MMP26: variants seen among roughly 807,000 people sequenced by gnomAD.
MMP26 encodes the protein matrix metalloproteinase-26.
A neutral mutation model predicts 31.0 loss-of-function variants in MMP26; 33 were observed. The ratio of observed to expected loss-of-function variants is 1.06; its 90% CI spans 0.81 to 1.42. MMP26 has a LOEUF of 1.42. MMP26 is among the 40% of genes most tolerant of loss of function. The pLI, the probability that MMP26 is intolerant of heterozygous loss-of-function variation, is 0.00. For missense variants in MMP26, 347 were observed against 316.1 expected (o/e 1.10, Z -0.74); for synonymous variants, 122 against 114.9 (o/e 1.06, Z -0.40).
At chr11:4,843,876 T>C (rs1467663818) in intron 2 of MMP26, among the ~76,000 whole-genome samples, 4 of 152,248 alleles carry the variant, frequency 2.6e-5, no homozygotes, top group Admixed American at 6.5e-5. Flanking sequence ...TCTTTGTTCA[T>C]GCATATGGGT....
At chr11:4,856,396 A>G (rs1850053823) in intron 2 of MMP26, among the ~76,000 whole-genome samples, 1 of 152,192 alleles carries the variant, frequency 6.6e-6, no homozygotes, top group African/African-American at 2.4e-5. Flanking sequence ...GCAAATGGAA[A>G]ACCAAAAAAA....
chr11:4,817,336 C>A (rs894279552), intron 2 of MMP26, among the ~76,000 whole-genome samples: 3 of 152,132 alleles, frequency 2.0e-5, no homozygotes, highest in Non-Finnish European at 4.4e-5. Context: ...GTAATCCCAG[C>A]ACTTTGGGAG....
At chr11:4,894,151 A>C (rs1369005070) in intron 2 of MMP26, among the ~76,000 whole-genome samples, 3 of 151,680 alleles carry the variant, frequency 2.0e-5, no homozygotes, top group Admixed American at 2.0e-4. Flanking sequence ...AGTGGGTTAA[A>C]AGAGAAAACA....
chr11:4,715,886 G>A (rs1366209815), intron 1 of MMP26, among the ~76,000 whole-genome samples: 1 of 152,204 alleles, frequency 6.6e-6, no homozygotes, highest in Non-Finnish European at 1.5e-5. Context: ...GGATTTAACA[G>A]ATGTAACTAA....
At chr11:4,725,265 A>T (rs1207875216) in intron 1 of MMP26, among the ~76,000 whole-genome samples, 1 of 152,208 alleles carries the variant, frequency 6.6e-6, no homozygotes, top group Non-Finnish European at 1.5e-5. Context: ...GTGAGAACTG[A>T]CTAATACATA....
chr11:4,747,521 G>A (rs73393018), intron 1 of MMP26, among the ~76,000 whole-genome samples: 6,768 of 152,130 alleles, frequency 0.044, 481 homozygotes, highest in African/African-American at 0.16. Context: ...AGTGGGTTTG[G>A]GGGAATATAG....
At chr11:4,880,889 G>T (rs1850451605) in intron 2 of MMP26, among the ~76,000 whole-genome samples, 1 of 152,134 alleles carries the variant, frequency 6.6e-6, no homozygotes, top group Admixed American at 6.6e-5. Context: ...TAAATGAAGA[G>T]GATGGGTCTG....
At chr11:4,887,164 GTAA>G (rs1382472542) in intron 2 of MMP26, among the ~76,000 whole-genome samples, 1 of 151,750 alleles carries the variant, frequency 6.6e-6, no homozygotes. Context: ...GATTTGTTGA[GTAA>G]ACTGCACAAT....
intron 2 of MMP26, among the ~76,000 whole-genome samples, chr11:4,783,034 G>A (rs559631840): frequency 1.3e-5 from 2 of 152,234 alleles, no homozygotes; most frequent in Admixed American, 6.5e-5. Flanking sequence ...AGTGCAGAAG[G>A]AAAATGTGGG....
chr11:4,803,902 C>T (rs745766734), intron 2 of MMP26: 1 of 1,612,968 alleles, frequency 6.2e-7, no homozygotes, highest in Non-Finnish European at 8.5e-7. Context: ...GCAGAAGGGG[C>T]TCACCCACAG....
intron 2 of MMP26, among the ~76,000 whole-genome samples, chr11:4,987,590 G>T (rs1227201010): frequency 1.3e-5 from 2 of 151,106 alleles, no homozygotes; most frequent in Admixed American, 6.6e-5. Context: ...GGCTAATTTT[G>T]TGTGTTTTTA....
chr11:4,960,353 G>C (rs977208891), intron 2 of MMP26, among the ~76,000 whole-genome samples: 3 of 150,960 alleles, frequency 2.0e-5, no homozygotes, highest in African/African-American at 7.3e-5. Flanking sequence ...ATGTTAGTTT[G>C]ATTATTCTGT....
At chr11:4,821,356 T>C (rs548441367) in intron 2 of MMP26, 1 of 1,540,180 alleles carries the variant, frequency 6.5e-7, no homozygotes, top group Non-Finnish European at 8.9e-7. Flanking sequence ...ATGTTACAAG[T>C]GATAAACTAT....
At chr11:4,851,231 A>C (rs1356717316) in intron 2 of MMP26, among the ~76,000 whole-genome samples, 3 of 152,176 alleles carry the variant, frequency 2.0e-5, no homozygotes, top group African/African-American at 7.2e-5. Context: ...CTCTATCAAC[A>C]GTGGTCAGAT....
At chr11:4,705,260 A>T (rs147483433) in intron 1 of MMP26, among the ~76,000 whole-genome samples, 1 of 152,292 alleles carries the variant, frequency 6.6e-6, no homozygotes, top group East Asian at 1.9e-4. Context: ...GTGTTTGTTC[A>T]TGCCACAGTA....
At chr11:4,972,144 A>C (rs998935855) in intron 2 of MMP26, among the ~76,000 whole-genome samples, 2 of 152,244 alleles carry the variant, frequency 1.3e-5, no homozygotes, top group African/African-American at 4.8e-5. Flanking sequence ...AATATGAGGA[A>C]ATCAATTAAA....
chr11:4,805,513 G>C (rs569292636), intron 2 of MMP26, among the ~76,000 whole-genome samples: 38 of 152,186 alleles, frequency 2.5e-4, no homozygotes, highest in Non-Finnish European at 4.6e-4. Context: ...GCAAGCAGGT[G>C]TTGGTTTCCA....
At chr11:4,835,858 G>GT (rs1251850359) in intron 2 of MMP26, among the ~76,000 whole-genome samples, 5 of 151,588 alleles carry the variant, frequency 3.3e-5, no homozygotes, top group Admixed American at 2.6e-4. Flanking sequence ...TATAGTTACT[G>GT]TTTTTTTATT....
intron 1 of MMP26, chr11:4,756,590 A>G (rs1013389823): frequency 6.6e-6 from 1 of 152,128 alleles, no homozygotes; most frequent in Non-Finnish European, 1.5e-5. Flanking sequence ...AAAGTCCTTT[A>G]TAAAACATGG....
Sources: gnomAD v4.1 joint callset for allele counts (sites outside exome capture counted in the v4.1 genomes callset) on GRCh38, gnomAD v4.1.1 for gene constraint, MANE v1.5 for transcripts, NCBI Gene and HGNC (gene_info 2026-07-23, HGNC 2026-07-21) for gene names.